GRIK4: variants seen among roughly 807,000 people sequenced by gnomAD.
The protein encoded by GRIK4 is glutamate ionotropic receptor kainate type subunit 4, also known as glutamate receptor ionotropic, kainate 4.
A neutral mutation model predicts 104.9 loss-of-function variants in GRIK4; 40 were observed. The ratio of observed to expected loss-of-function variants is 0.38; its 90% CI spans 0.30 to 0.50. The LOEUF (loss-of-function observed/expected upper bound fraction) is 0.50. Ranked by LOEUF, GRIK4 falls within the 20% of genes least tolerant of loss-of-function variation. The pLI is 0.93. For synonymous variants in GRIK4, 485 were observed against 524.9 expected, an observed-to-expected ratio of 0.92 and a Z score of 1.04; for missense variants, 1,047 against 1,308.1, an observed-to-expected ratio of 0.80 and a Z score of 3.08.
At chr11:120,702,081 G>A (rs1472250317) in intron 3 of GRIK4, among the ~76,000 whole-genome samples, 4 of 148,342 alleles carry the variant, frequency 2.7e-5, no homozygotes, top group African/African-American at 7.4e-5. Flanking sequence ...TCAGCCACCC[G>A]AGTAGCTGGG....
chr11:120,528,501 G>T (rs1338504207), intron 1 of GRIK4, among the ~76,000 whole-genome samples: 1 of 152,158 alleles, frequency 6.6e-6, no homozygotes, highest in Non-Finnish European at 1.5e-5. Flanking sequence ...GGACTATGGG[G>T]GACCCTTCTT....
chr11:120,983,770 C>T (rs540787), intron 20 of GRIK4, among the ~76,000 whole-genome samples: 35,479 of 152,108 alleles, frequency 0.23, 4,334 homozygotes, highest in African/African-American at 0.3. Flanking sequence ...ACACACCACG[C>T]TGCAGTTATT....
chr11:120,673,308 C>T (rs1185771009), intron 3 of GRIK4, among the ~76,000 whole-genome samples: 1 of 152,144 alleles, frequency 6.6e-6, no homozygotes, highest in African/African-American at 2.4e-5. Context: ...AAGGGAGGTC[C>T]CAAAGGAGCT....
intron 1 of GRIK4, among the ~76,000 whole-genome samples, chr11:120,570,653 G>C (rs1296869423): frequency 6.6e-6 from 1 of 152,078 alleles, no homozygotes; most frequent in Non-Finnish European, 1.5e-5. Context: ...GACAGGTCTT[G>C]CTGTGTTGCC....
At chr11:120,911,580 G>A (rs1297428216) in intron 13 of GRIK4, among the ~76,000 whole-genome samples, 2 of 144,720 alleles carry the variant, frequency 1.4e-5, no homozygotes, top group South Asian at 2.4e-4. Flanking sequence ...GGTGGCTCAC[G>A]CCTGTAATCC....
At chr11:120,785,188 T>C (rs1439600287) in intron 3 of GRIK4, among the ~76,000 whole-genome samples, 1 of 152,180 alleles carries the variant, frequency 6.6e-6, no homozygotes, top group Non-Finnish European at 1.5e-5. Flanking sequence ...CCAGCCTGGC[T>C]GTTTGTGCAG....
chr11:120,812,977 G>A (rs189226499), intron 4 of GRIK4, among the ~76,000 whole-genome samples: 47 of 152,302 alleles, frequency 3.1e-4, no homozygotes, highest in African/African-American at 6.3e-4. Context: ...CAGATTGCAC[G>A]GTGTTAGGAA....
rs569355380 is a variant in GRIK4 at position 120,944,175 on chromosome 11, C to T, written c.1590+3715C>T. 1.9e-3 allele frequency among the ~76,000 whole-genome samples: 286 copies of T among 149,550 alleles called. 2 individuals are homozygous for T. The highest frequency in any genetic ancestry group is 6.1e-3 in the African/African-American group (246 of 40,538). ...GTCTCTCTCTCTCTCTCCTCCCCCC[C>T]GTCCCACCCTCCTTCCCTCCCTTCT... On this transcript the variant is annotated intron_variant, in intron 14 of 20. Transcript: ENST00000527524.
chr11:120,968,373 T>C (rs1444597866), intron 19 of GRIK4, among the ~76,000 whole-genome samples: 1 of 152,190 alleles, frequency 6.6e-6, no homozygotes, highest in Non-Finnish European at 1.5e-5. Context: ...TATCTACTAC[T>C]CCATCTACTG....
At chr11:120,730,937 G>GT (rs1479377102) in intron 3 of GRIK4, among the ~76,000 whole-genome samples, 4 of 152,260 alleles carry the variant, frequency 2.6e-5, no homozygotes, top group African/African-American at 7.2e-5. Flanking sequence ...TTCTGAACTT[G>GT]TTTATCAGTT....
chr11:120,937,299 G>A (rs546965609), intron 13 of GRIK4, among the ~76,000 whole-genome samples: 11 of 152,190 alleles, frequency 7.2e-5, no homozygotes, highest in South Asian at 6.2e-4. Context: ...TCAGCCTCCC[G>A]AAGTGTTGGG....
intron 1 of GRIK4, among the ~76,000 whole-genome samples, chr11:120,532,607 G>T (rs1321946014): frequency 6.6e-6 from 1 of 151,970 alleles, no homozygotes; most frequent in African/African-American, 2.4e-5. Flanking sequence ...CTCTAGTGTG[G>T]ACTCTTTCCC....
At position 120,548,926 on chromosome 11, in the gene GRIK4, A is replaced by G. The variant is rs906573524; in HGVS notation, c.-159+37039A>G. Among the ~76,000 whole-genome samples, 4 of 152,214 alleles carry G rather than the reference A, an allele frequency of 2.6e-5. 1 individual carries two copies. The highest frequency in any genetic ancestry group is 9.6e-5 in the African/African-American group (4 of 41,454). Reference sequence around the variant, plus strand: ...ATGTTCCCTGTGAGAATCTGAGACCATACGGTGCCTGTCTGATGTGTGGGC... The same window carrying G: ...ATGTTCCCTGTGAGAATCTGAGACCGTACGGTGCCTGTCTGATGTGTGGGC... On this transcript the variant is annotated intron_variant, in intron 1 of 20. Transcript: ENST00000527524.
At chr11:120,663,784 C>T (rs554150719) in intron 3 of GRIK4, among the ~76,000 whole-genome samples, 38 of 152,296 alleles carry the variant, frequency 2.5e-4, no homozygotes, top group African/African-American at 8.7e-4. Context: ...CAAAACAAAT[C>T]CAGCTCCTCC....
intron 3 of GRIK4, among the ~76,000 whole-genome samples, chr11:120,666,802 G>T (rs1274068792): frequency 6.6e-6 from 1 of 152,180 alleles, no homozygotes; most frequent in Non-Finnish European, 1.5e-5. Flanking sequence ...GATTCAACAG[G>T]GATGAACACC....
chr11:120,856,054 G>A (rs966366416), intron 8 of GRIK4, among the ~76,000 whole-genome samples: 1 of 152,216 alleles, frequency 6.6e-6, no homozygotes, highest in Non-Finnish European at 1.5e-5. Flanking sequence ...TGGTGACACC[G>A]GCAGCACGGA....
intron 3 of GRIK4, among the ~76,000 whole-genome samples, chr11:120,694,534 C>A (rs1015576753): frequency 6.6e-6 from 1 of 152,112 alleles, no homozygotes; most frequent in Admixed American, 6.5e-5. Context: ...CACCCCCCAA[C>A]CCAACCTCTC....
At chr11:120,856,171 T>C (rs1954100464) in intron 8 of GRIK4, among the ~76,000 whole-genome samples, 1 of 152,258 alleles carries the variant, frequency 6.6e-6, no homozygotes, top group Non-Finnish European at 1.5e-5. Flanking sequence ...ACCCGCACTT[T>C]ACAGGTGAAC....
chr11:120,962,390 C>G, intron 17 of GRIK4, 66 bp from the exon 18 acceptor site: 1 of 1,113,412 alleles, frequency 9.0e-7, no homozygotes, highest in South Asian at 1.4e-5. Flanking sequence ...CTTTGATTCC[C>G]TCTCTTTTTA....
Sources: gnomAD v4.1 joint callset for allele counts (sites outside exome capture counted in the v4.1 genomes callset) on GRCh38, gnomAD v4.1.1 for gene constraint, MANE v1.5 for transcripts, NCBI Gene and HGNC (gene_info 2026-07-23, HGNC 2026-07-21) for gene names.